The following UNC13B variants were observed in gnomAD, a reference collection of about 807,000 sequenced individuals.
The protein encoded by UNC13B is unc-13 homolog B.
In UNC13B, 144 loss-of-function variants were observed where a neutral mutation model predicts 211.0. That is an observed-to-expected ratio of 0.68 (90% CI 0.60 to 0.78). UNC13B has a LOEUF of 0.78. Ranked by LOEUF, UNC13B falls within the 30% of genes least tolerant of loss-of-function variation. The probability of loss-of-function intolerance (pLI) is 0.00; values close to 1 mark genes in which losing one functional copy is unlikely to be tolerated. For missense variants in UNC13B, 1,777 were observed against 2,002.0 expected, an observed-to-expected ratio of 0.89 and a Z score of 2.14; for synonymous variants, 709 against 725.8, an observed-to-expected ratio of 0.98 and a Z score of 0.37.
chr9:35,327,097 G>A (rs1022562971), intron 11 of UNC13B, among the ~76,000 whole-genome samples: 2 of 151,904 alleles, frequency 1.3e-5, no homozygotes, highest in Non-Finnish European at 2.9e-5. Context: ...TCTTTCTCTT[G>A]CCTATCTCTG....
At chr9:35,396,780 TC>T (rs1433166173) in intron 27 of UNC13B, 60 bp from the exon 28 acceptor site, 2 of 1,608,282 alleles carry the variant, frequency 1.2e-6, no homozygotes, top group Non-Finnish European at 1.7e-6. Context: ...GGTGGAGCTG[TC>T]AGGAAGTGGC....
intron 1 of UNC13B, among the ~76,000 whole-genome samples, chr9:35,221,410 C>A (rs866437155): frequency 1.4e-4 from 21 of 152,248 alleles, no homozygotes; most frequent in African/African-American, 3.9e-4. Context: ...AGGTCTTTTG[C>A]CTGTTTTTAA....
At chr9:35,237,020 C>T (rs1236256769) in intron 4 of UNC13B, among the ~76,000 whole-genome samples, 1 of 152,110 alleles carries the variant, frequency 6.6e-6, no homozygotes, top group East Asian at 1.9e-4. Context: ...TTTCAGTGCC[C>T]TTCTTCTGCA....
At chr9:35,336,275 TC>T (rs1231775293) in intron 11 of UNC13B, among the ~76,000 whole-genome samples, 56 of 152,028 alleles carry the variant, frequency 3.7e-4, no homozygotes, top group Admixed American at 3.7e-3. Context: ...CTTTTTTTTC[TC>T]CTCCACTTCC....
intron 11 of UNC13B, among the ~76,000 whole-genome samples, chr9:35,349,858 C>T (rs893051651): frequency 2.6e-5 from 4 of 152,164 alleles, no homozygotes; most frequent in Admixed American, 2.6e-4. Context: ...GGTGGCCTTT[C>T]CTGAAAATGG....
chr9:35,177,649 A>G (rs1564047971), intron 1 of UNC13B, among the ~76,000 whole-genome samples: 1 of 152,216 alleles, frequency 6.6e-6, no homozygotes, highest in Non-Finnish European at 1.5e-5. Context: ...ATAAACAAAC[A>G]GGATATGATC....
intron 1 of UNC13B, among the ~76,000 whole-genome samples, chr9:35,223,618 A>G (rs1824679833): frequency 6.6e-6 from 1 of 151,790 alleles, no homozygotes; most frequent in Admixed American, 6.6e-5. Flanking sequence ...ATTGTCTCCC[A>G]TTCTGTAGTT....
chr9:35,268,597 C>T lies in UNC13B; in HGVS notation c.526+9547C>T, dbSNP rs138231186. Reference sequence around the variant, plus strand: ...TTGCACCACTGTACTCCAGCCTGGGCGACAGAGCGAGACTCTGTCTCGGAA... The same window carrying T: ...TTGCACCACTGTACTCCAGCCTGGGTGACAGAGCGAGACTCTGTCTCGGAA... On this transcript the variant is annotated intron_variant, in intron 7 of 39. Transcript: ENST00000635942. 6.7e-3 allele frequency among the ~76,000 whole-genome samples: 1,016 copies of T among 152,158 alleles called. 3 individuals carry two copies. Among genetic ancestry groups the T allele is most frequent in the Non-Finnish European group, 0.011 (771 of 67,982 alleles).
chr9:35,321,382 G>A (rs566743037), intron 11 of UNC13B, among the ~76,000 whole-genome samples: 9 of 151,984 alleles, frequency 5.9e-5, no homozygotes, highest in African/African-American at 2.2e-4. Context: ...CACCATGCCC[G>A]GCTGATTTAT....
Position 35,241,468 on chromosome 9 carries a change from A to C in UNC13B, c.395-1823A>C, listed in dbSNP as rs527252629. ...ATGGTTTAAAAAGTTATCCAGTGAA[A>C]AGTCCCTTCAGAAATCCATTTTCTT... On this transcript the variant is annotated intron_variant, in intron 5 of 39. Transcript: ENST00000635942. Among the ~76,000 whole-genome samples the C allele has an allele frequency of 3.3e-5, 5 of 152,152 alleles. No homozygotes were observed. The South Asian group carries it at 1.0e-3, about 32-fold the overall frequency.
intron 1 of UNC13B, among the ~76,000 whole-genome samples, chr9:35,193,415 G>A (rs1274845469): frequency 1.3e-5 from 2 of 152,136 alleles, no homozygotes; most frequent in East Asian, 1.9e-4. Flanking sequence ...TTGGTAGGCC[G>A]AGACAGGTGG....
At chr9:35,389,757 A>G in intron 24 of UNC13B, 89 bp from the exon 25 acceptor site, 1 of 1,425,056 alleles carries the variant, frequency 7.0e-7, no homozygotes, top group Admixed American at 1.7e-5. Context: ...AGGTATAGGA[A>G]GGGGAAGAGA....
At chr9:35,359,483 C>T (rs1239087502) in intron 11 of UNC13B, among the ~76,000 whole-genome samples, 5 of 152,196 alleles carry the variant, frequency 3.3e-5, no homozygotes, top group Non-Finnish European at 5.9e-5. Flanking sequence ...TCCAAATCCA[C>T]GTAACACCTC....
chr9:35,275,676 T>G (rs1309663445), intron 7 of UNC13B, among the ~76,000 whole-genome samples: 1 of 151,762 alleles, frequency 6.6e-6, no homozygotes, highest in Non-Finnish European at 1.5e-5. Context: ...CACTGTGACC[T>G]CCGCCTCCTG....
At chr9:35,240,791 C>A (rs1825762409) in intron 5 of UNC13B, among the ~76,000 whole-genome samples, 1 of 152,020 alleles carries the variant, frequency 6.6e-6, no homozygotes, top group Non-Finnish European at 1.5e-5. Flanking sequence ...CATGGTGGCT[C>A]ACACCTGTAA....
At chr9:35,380,995 T>C in intron 18 of UNC13B, 105 bp from the exon 19 acceptor site, 1 of 1,141,290 alleles carries the variant, frequency 8.8e-7, no homozygotes, top group Non-Finnish European at 1.2e-6. Flanking sequence ...TGGCCCCTTC[T>C]TTTCCTTGGG....
intron 2 of UNC13B, among the ~76,000 whole-genome samples, chr9:35,229,762 T>C (rs1825093066): frequency 6.6e-6 from 1 of 152,196 alleles, no homozygotes; most frequent in South Asian, 2.1e-4. Context: ...TTTAATATAA[T>C]TATAAATTTT....
chr9:35,249,760 C>T (rs927922427), intron 6 of UNC13B, among the ~76,000 whole-genome samples: 12 of 152,234 alleles, frequency 7.9e-5, no homozygotes, highest in Non-Finnish European at 1.5e-4. Context: ...GTGGGTAACC[C>T]GACCTTTCTC....
intron 2 of UNC13B, among the ~76,000 whole-genome samples, chr9:35,228,746 G>GTA (rs748874182): frequency 1.5e-5 from 2 of 134,578 alleles, no homozygotes; most frequent in Non-Finnish European, 3.2e-5. Context: ...GTGTGTGTGT[G>GTA]TGTATGTGTG....
Sources: gnomAD v4.1 joint callset for allele counts (sites outside exome capture counted in the v4.1 genomes callset) on GRCh38, gnomAD v4.1.1 for gene constraint, MANE v1.5 for transcripts, NCBI Gene and HGNC (gene_info 2026-07-23, HGNC 2026-07-21) for gene names.